The following NARS2 variants were observed in gnomAD, a reference collection of about 807,000 sequenced individuals.
The protein encoded by NARS2 is asparaginyl-tRNA synthetase 2, mitochondrial, also known as asparaginyl-tRNA synthetase.
NARS2 carries 60 observed loss-of-function variants against 62.9 expected under a neutral mutation model. The ratio of observed to expected loss-of-function variants is 0.95; its 90% CI spans 0.77 to 1.18. The LOEUF (loss-of-function observed/expected upper bound fraction) is 1.18. Ranked by LOEUF, NARS2 falls within the 50% of genes most tolerant of loss-of-function variation. NARS2 has a pLI of 0.00. For synonymous variants in NARS2, 196 were observed against 200.0 expected, an observed-to-expected ratio of 0.98 and a Z score of 0.17; for missense variants, 619 against 576.4, an observed-to-expected ratio of 1.07 and a Z score of -0.76.
At chr11:78,545,624 A>T (rs1855840945) in intron 5 of NARS2, among the ~76,000 whole-genome samples, 1 of 147,470 alleles carries the variant, frequency 6.8e-6, no homozygotes, top group Non-Finnish European at 1.5e-5. Context: ...TCCTGGATTT[A>T]AGCAATTCTT....
intron 6 of NARS2, among the ~76,000 whole-genome samples, chr11:78,515,880 A>G (rs1490135895): frequency 1.3e-5 from 2 of 152,174 alleles, no homozygotes; most frequent in Non-Finnish European, 2.9e-5. Flanking sequence ...ATCTCAATAA[A>G]GTTGTTCTTT....
intron 5 of NARS2, among the ~76,000 whole-genome samples, chr11:78,557,019 A>G (rs1856378779): frequency 6.6e-6 from 1 of 152,230 alleles, no homozygotes; most frequent in South Asian, 2.1e-4. Flanking sequence ...ATGTCCGTTA[A>G]TAACGAACAA....
Position 78,441,030 on chromosome 11 carries a change from G to T in NARS2, c.1289+61C>A, listed in dbSNP as rs372795076. ...GGGTCTTGGGGATACAAGTAAAAAC[G>T]CTTCTAGGCAACAGTCAGACAAGCA... is the stretch of plus-strand genomic sequence containing the variant. On this transcript the variant is annotated intron_variant, in intron 13 of 13. Transcript: ENST00000281038. The T allele has an allele frequency of 1.5e-5, 22 of 1,489,422 alleles. No individual in the cohort carries two copies. In the African/African-American group the frequency reaches 1.7e-4, roughly 11 times the overall value. The allele number at this position is 1,489,422 out of a possible 1,614,324, so 92.3% of individuals were successfully genotyped here. A position where few individuals can be genotyped will look rare whatever the true frequency, so the allele number is the denominator to read the frequency against.
At chr11:78,455,258 A>G (rs1018146311) in intron 11 of NARS2, among the ~76,000 whole-genome samples, 1 of 152,164 alleles carries the variant, frequency 6.6e-6, no homozygotes, top group Non-Finnish European at 1.5e-5. Context: ...TTATCACCCA[A>G]TAATTCCTTA....
chr11:78,477,052 C>A (rs1172353158), intron 9 of NARS2, among the ~76,000 whole-genome samples: 1 of 152,168 alleles, frequency 6.6e-6, no homozygotes, highest in African/African-American at 2.4e-5. Context: ...AATTTTATCA[C>A]TGTCTGGGTA....
At chr11:78,483,789 T>G (rs1327690064) in intron 7 of NARS2, among the ~76,000 whole-genome samples, 1 of 152,060 alleles carries the variant, frequency 6.6e-6, no homozygotes. Context: ...ACAGGAAGAA[T>G]CAATATCGTG....
intron 11 of NARS2, among the ~76,000 whole-genome samples, chr11:78,464,641 T>C (rs1373730794): frequency 1.3e-5 from 2 of 152,094 alleles, no homozygotes; most frequent in East Asian, 1.9e-4. Flanking sequence ...TTGGTGTGTT[T>C]TCAAACCTTG....
At chr11:78,522,029 C>G (rs187860268) in intron 6 of NARS2, among the ~76,000 whole-genome samples, 75 of 152,242 alleles carry the variant, frequency 4.9e-4, no homozygotes, top group African/African-American at 1.6e-3. Context: ...TCATAGCTTA[C>G]TGCAGCCTCA....
chr11:78,492,636 C>A, intron 7 of NARS2, among the ~76,000 whole-genome samples: 1 of 152,252 alleles, frequency 6.6e-6, no homozygotes, highest in Middle Eastern at 3.4e-3. Context: ...GTATTACAGA[C>A]ATTTATATAA....
chr11:78,452,954 G>A (rs1315644297), intron 11 of NARS2, among the ~76,000 whole-genome samples: 4 of 152,146 alleles, frequency 2.6e-5, no homozygotes, highest in South Asian at 4.1e-4. Flanking sequence ...GGCGGTTACC[G>A]GGAGTAATGA....
chr11:78,554,500 CGTGTGTGCGTGTGT>C (rs796088767), intron 5 of NARS2, among the ~76,000 whole-genome samples: 2,168 of 42,578 alleles, frequency 0.051, 55 homozygotes, highest in African/African-American at 0.1. Context: ...TATTCCTAGG[CGTGTGTGCGTGTGT>C]GTGTGTGTGT....
At chr11:78,455,312 T>C (rs1371068099) in intron 11 of NARS2, among the ~76,000 whole-genome samples, 2 of 152,196 alleles carry the variant, frequency 1.3e-5, no homozygotes, top group African/African-American at 2.4e-5. Context: ...TTAAAGCAAT[T>C]TTAAAAACAT....
intron 5 of NARS2, among the ~76,000 whole-genome samples, chr11:78,541,222 A>C (rs949807883): frequency 7.9e-5 from 12 of 152,212 alleles, no homozygotes; most frequent in African/African-American, 2.9e-4. Context: ...AAAAATGTTA[A>C]ATGTCAAATG....
At chr11:78,516,510 TC>T (rs1353680217) in intron 6 of NARS2, among the ~76,000 whole-genome samples, 1 of 152,214 alleles carries the variant, frequency 6.6e-6, no homozygotes, top group Non-Finnish European at 1.5e-5. Flanking sequence ...GTAATCACAC[TC>T]CTAATTTCTC....
chr11:78,510,218 T>C (rs1251765548), intron 6 of NARS2, among the ~76,000 whole-genome samples: 1 of 152,084 alleles, frequency 6.6e-6, no homozygotes, highest in Non-Finnish European at 1.5e-5. Flanking sequence ...GACCCAATTA[T>C]ATGCTGTCTA....
intron 5 of NARS2, among the ~76,000 whole-genome samples, chr11:78,544,798 A>C (rs1312093044): frequency 2.8e-4 from 40 of 144,268 alleles, no homozygotes; most frequent in East Asian, 1.4e-3. Context: ...CGTCTCACAA[A>C]AAAAAAAAAA....
At chr11:78,498,103 C>T (rs942595872) in intron 6 of NARS2, among the ~76,000 whole-genome samples, 2 of 152,118 alleles carry the variant, frequency 1.3e-5, no homozygotes, top group African/African-American at 4.8e-5. Flanking sequence ...AACACCAACA[C>T]ATAGGTCCCA....
At chr11:78,464,002 G>C (rs1447476847) in intron 11 of NARS2, among the ~76,000 whole-genome samples, 1 of 152,268 alleles carries the variant, frequency 6.6e-6, no homozygotes, top group East Asian at 1.9e-4. Context: ...CAATGAAGCC[G>C]CGGACCCTCA....
At chr11:78,446,484 T>G (rs1055790265) in intron 11 of NARS2, among the ~76,000 whole-genome samples, 5 of 152,206 alleles carry the variant, frequency 3.3e-5, no homozygotes, top group Admixed American at 3.3e-4. Flanking sequence ...ATGGCTAAAA[T>G]ATGATAGGAG....
Sources: gnomAD v4.1 joint callset for allele counts (sites outside exome capture counted in the v4.1 genomes callset) on GRCh38, gnomAD v4.1.1 for gene constraint, MANE v1.5 for transcripts, NCBI Gene and HGNC (gene_info 2026-07-23, HGNC 2026-07-21) for gene names.